DNAH11: variants seen among roughly 807,000 people sequenced by gnomAD.
The protein encoded by DNAH11 is dynein axonemal heavy chain 11, also known as axonemal beta dynein heavy chain 11.
DNAH11 carries 442 observed loss-of-function variants against 526.0 expected under a neutral mutation model. The observed-to-expected ratio is 0.84, with a 90% CI of 0.78 to 0.91. The LOEUF (loss-of-function observed/expected upper bound fraction) is 0.91, where lower values mean the gene tolerates loss of function less well. DNAH11 is among the 40% of genes least tolerant of loss of function. The pLI is 0.00. For synonymous variants in DNAH11, 2,461 were observed against 1,935.9 expected (o/e 1.27, Z -7.12); for missense variants, 6,989 against 5,448.7 (o/e 1.28, Z -8.90).
At chr7:21,640,352 C>T (rs893869475) in intron 28 of DNAH11, among the ~76,000 whole-genome samples, 1 of 152,166 alleles carries the variant, frequency 6.6e-6, no homozygotes, top group Non-Finnish European at 1.5e-5. Context: ...GCTGAACCCT[C>T]TGCCCAGGGT....
In DNAH11 at chr7:21,885,186, AAACAC is replaced by A. The variant is rs1178756791; in HGVS notation, c.12507+778_12507+782del. ...AAATGAACTATAAAAAAAAAAAAAA[AAACAC>A]ACACATTTATGACACAATGGGAAAT... On this transcript the variant is annotated intron_variant, in intron 76 of 81. Transcript: ENST00000409508. 4.1e-5 allele frequency among the ~76,000 whole-genome samples: 6 copies of A among 147,872 alleles called. 1 individual carries two copies. The highest frequency in any genetic ancestry group is 7.5e-5 in the Non-Finnish European group (5 of 66,822).
At position 21,886,603 on chromosome 7, in the gene DNAH11, C is replaced by T. The variant is rs1052641205; in HGVS notation, c.12507+2193C>T. Reference sequence around the variant, plus strand: ...GGAAAGCTAAACAGTGCCAGGCATGCGACCTTTACAGAGGCTGATTTCTCC... The same window carrying T: ...GGAAAGCTAAACAGTGCCAGGCATGTGACCTTTACAGAGGCTGATTTCTCC... On this transcript the variant is annotated intron_variant, in intron 76 of 81. Transcript: ENST00000409508. Among the ~76,000 whole-genome samples the T allele has an allele frequency of 3.9e-5, 6 of 152,052 alleles. No individual in the cohort carries two copies. In the South Asian group the frequency reaches 6.2e-4, roughly 16 times the overall value.
chr7:21,619,283 C>T, intron 24 of DNAH11, 61 bp downstream of exon 24: 2 of 1,559,692 alleles, frequency 1.3e-6, no homozygotes, highest in Non-Finnish European at 1.7e-6. Flanking sequence ...GCATAGAAGC[C>T]AACTTAGAGA....
chr7:21,877,281 C>G (rs963745996), intron 74 of DNAH11, among the ~76,000 whole-genome samples: 1 of 152,146 alleles, frequency 6.6e-6, no homozygotes, highest in Admixed American at 6.6e-5. Context: ...ACACTTATAG[C>G]TCACTGCAGC....
chr7:21,830,891 AT>A (rs1268753152), intron 65 of DNAH11, among the ~76,000 whole-genome samples: 1 of 152,184 alleles, frequency 6.6e-6, no homozygotes, highest in Non-Finnish European at 1.5e-5. Context: ...AAATAATTTT[AT>A]TTCTGTTCTG....
intron 28 of DNAH11, among the ~76,000 whole-genome samples, chr7:21,644,643 G>A (rs1436624265): frequency 1.3e-5 from 2 of 152,198 alleles, no homozygotes; most frequent in Non-Finnish European, 2.9e-5. Context: ...AAGGGGTCAT[G>A]GTTTTGACCA....
intron 2 of DNAH11, among the ~76,000 whole-genome samples, chr7:21,545,890 C>G (rs1172031191): frequency 6.6e-6 from 1 of 152,178 alleles, no homozygotes; most frequent in Non-Finnish European, 1.5e-5. Flanking sequence ...TCTCAAACTT[C>G]GCTGAACATT....
intron 30 of DNAH11, among the ~76,000 whole-genome samples, chr7:21,665,831 T>G (rs989344028): frequency 6.6e-6 from 1 of 152,110 alleles, no homozygotes; most frequent in Non-Finnish European, 1.5e-5. Flanking sequence ...GTTTTGTGAC[T>G]GGCACTAACA....
rs779311086 is a variant in DNAH11 at position 21,765,624 on chromosome 7, A to T, written c.9102+35A>T. On this transcript the variant is annotated intron_variant, in intron 55 of 81. Transcript: ENST00000409508. ...GTCAGCCTGCGTCACACACACACAC[A>T]CACACACACACACACACACACACAC... 3.7e-4 allele frequency: 279 copies of T among 760,212 alleles called. 3 individuals carry two copies. The African/African-American group carries it at 7.2e-3, about 20-fold the overall frequency. 47.1% of individuals were successfully genotyped at this position (760,212 alleles called of 1,614,324 possible).
In DNAH11 at chr7:21,725,925, T is replaced by G; in HGVS notation, c.7381T>G (p.Leu2461Val). 1 of 1,573,490 alleles carries G rather than the reference T, an allele frequency of 6.4e-7. No homozygotes were observed. Among genetic ancestry groups the G allele is most frequent in the Non-Finnish European group, 8.6e-7 (1 of 1,158,260 alleles). ...TTATGTGGACCACAAAACTAAGAAA[T>G]TATTGCCCTGGGCTGACAAAATTGC... The part of the protein sequence containing the change: ...DYYVDHKTKK[L>V]LPWADKIAQF... The change falls in exon 45 of 82, where the codon TTA (leucine) becomes GTA (valine). Residue 2461 changes from leucine to valine, a missense_variant. Transcript: ENST00000409508.
intron 7 of DNAH11, among the ~76,000 whole-genome samples, chr7:21,571,477 T>C (rs1394602236): frequency 6.6e-6 from 1 of 152,026 alleles, no homozygotes; most frequent in Non-Finnish European, 1.5e-5. Context: ...ACAGGATCTT[T>C]CCTTGTTGCC....
At chr7:21,871,597 T>C (rs1243366405) in intron 73 of DNAH11, among the ~76,000 whole-genome samples, 1 of 152,140 alleles carries the variant, frequency 6.6e-6, no homozygotes, top group Non-Finnish European at 1.5e-5. Flanking sequence ...ACAAAGCAGG[T>C]TTTATTATTG....
At chr7:21,893,019 G>T (rs972346384) in intron 77 of DNAH11, among the ~76,000 whole-genome samples, 3 of 152,108 alleles carry the variant, frequency 2.0e-5, no homozygotes, top group African/African-American at 4.8e-5. Flanking sequence ...ATGTACCAAT[G>T]GTTCATTTTT....
intron 60 of DNAH11, 97 bp from the exon 61 acceptor site, chr7:21,789,144 A>T: frequency 1.1e-6 from 1 of 879,124 alleles, no homozygotes; most frequent in Non-Finnish European, 1.8e-6. Flanking sequence ...AGAAGTTGCT[A>T]GATGAATTAG....
intron 54 of DNAH11, 136 bp from the exon 55 acceptor site, chr7:21,765,291 TG>T: frequency 1.6e-6 from 2 of 1,237,922 alleles, no homozygotes; most frequent in Non-Finnish European, 2.3e-6. Flanking sequence ...TTAATGTTGC[TG>T]TCCACTCTCT....
rs1167084475 is a variant in DNAH11 at position 21,606,498 on chromosome 7, A to G, written c.3721A>G (p.Asn1241Asp). Residue 1241 changes from asparagine to aspartate, a missense_variant, in exon 19 of 82, where the codon AAT (asparagine) becomes GAT (aspartate). Asn to Asp is a conservative substitution (Grantham distance 23, BLOSUM62 1). Coordinates refer to ENST00000409508, the MANE Select transcript of DNAH11 (RefSeq NM_001277115.2). ...TVRHEVSPLHNAEVTLIRKKC... is the reference protein window; with the variant it reads ...TVRHEVSPLHDAEVTLIRKKC... Reference sequence around the variant, plus strand: ...CAGACATGAAGTCTCACCTCTCCATAATGCGGAAGTCACTCTTATAAGGAA... The same window carrying G: ...CAGACATGAAGTCTCACCTCTCCATGATGCGGAAGTCACTCTTATAAGGAA... 6.2e-7 allele frequency: 1 copy of G among 1,611,228 alleles called. No individual in the cohort carries two copies. Among genetic ancestry groups the G allele is most frequent in the Non-Finnish European group, 8.5e-7 (1 of 1,179,292 alleles).
At chr7:21,887,480 A>T (rs1784168343) in intron 76 of DNAH11, among the ~76,000 whole-genome samples, 1 of 152,208 alleles carries the variant, frequency 6.6e-6, no homozygotes, top group African/African-American at 2.4e-5. Context: ...AGTAAAAAAC[A>T]AAGACAAAAA....
intron 34 of DNAH11, among the ~76,000 whole-genome samples, chr7:21,688,774 C>T (rs189781525): frequency 1.3e-5 from 2 of 152,156 alleles, no homozygotes; most frequent in Admixed American, 6.5e-5. Context: ...CAACACAATG[C>T]CACATTCCAA....
intron 4 of DNAH11, 47 bp downstream of exon 4, chr7:21,559,839 C>G (rs1180632865): frequency 1.4e-6 from 2 of 1,469,184 alleles, no homozygotes; most frequent in East Asian, 2.4e-5. Context: ...GCAAAGTGTC[C>G]TGAGCTGCAA....
Sources: allele counts gnomAD v4.1 joint callset (sites outside exome capture counted in the v4.1 genomes callset), GRCh38; gene constraint gnomAD v4.1.1; transcripts MANE v1.5; gene names NCBI Gene and HGNC (gene_info 2026-07-23, HGNC 2026-07-21).